CFAP58: variants seen among roughly 807,000 people sequenced by gnomAD.
CFAP58 encodes the protein cilia and flagella associated protein 58.
CFAP58 carries 88 observed loss-of-function variants against 119.5 expected under a neutral mutation model. That is an observed-to-expected ratio of 0.74 (90% CI 0.62 to 0.88). The LOEUF (loss-of-function observed/expected upper bound fraction) is 0.88, where lower values mean the gene tolerates loss of function less well. CFAP58 is among the 40% of genes least tolerant of loss of function. The pLI, the probability that CFAP58 is intolerant of heterozygous loss-of-function variation, is 0.00. For synonymous variants in CFAP58, 365 were observed against 366.3 expected (o/e 1.00, Z 0.04); for missense variants, 990 against 1,021.2 (o/e 0.97, Z 0.42).
At chr10:104,421,166 T>A (rs1192293941) in intron 15 of CFAP58, among the ~76,000 whole-genome samples, 1 of 152,138 alleles carries the variant, frequency 6.6e-6, no homozygotes, top group Admixed American at 6.5e-5. Flanking sequence ...AAAGGGGTGA[T>A]GTATATTAAG....
At chr10:104,358,269 T>C (rs2014620910) in intron 1 of CFAP58, 72 bp from the exon 2 acceptor site, 5 of 1,458,024 alleles carry the variant, frequency 3.4e-6, no homozygotes, top group Middle Eastern at 1.8e-4. Flanking sequence ...TCAGAGGTAA[T>C]AGCAGTAATT....
chr10:104,339,706 G>C, the CFAP58 span, among the ~76,000 whole-genome samples: 4 of 152,172 alleles, frequency 2.6e-5, no homozygotes, highest in Non-Finnish European at 5.9e-5. Flanking sequence ...CCTTGGCCCA[G>C]GGTACTTTTG....
chr10:104,356,797 C>T (rs1457353452), intron 1 of CFAP58, among the ~76,000 whole-genome samples: 1 of 152,112 alleles, frequency 6.6e-6, no homozygotes, highest in Non-Finnish European at 1.5e-5. Flanking sequence ...CATATCCCAC[C>T]AGCAATTAAG....
chr10:104,340,595 A>T, the CFAP58 span, among the ~76,000 whole-genome samples: 3,135 of 152,258 alleles, frequency 0.021, 115 homozygotes, highest in African/African-American at 0.07. Context: ...GATTCAAGTT[A>T]TGGGAACTTG....
At chr10:104,427,205 G>A (rs1179504907) in intron 15 of CFAP58, among the ~76,000 whole-genome samples, 1 of 152,144 alleles carries the variant, frequency 6.6e-6, no homozygotes, top group Non-Finnish European at 1.5e-5. Flanking sequence ...ACTTGGCTGG[G>A]TTATTAATAG....
At chr10:104,382,558 T>C (rs1168801746) in intron 9 of CFAP58, among the ~76,000 whole-genome samples, 1 of 152,198 alleles carries the variant, frequency 6.6e-6, no homozygotes, top group Non-Finnish European at 1.5e-5. Flanking sequence ...AAAAATTACA[T>C]GTTGATACGG....
At chr10:104,380,559 C>T (rs1029238616) in intron 9 of CFAP58, among the ~76,000 whole-genome samples, 4 of 152,068 alleles carry the variant, frequency 2.6e-5, no homozygotes, top group Non-Finnish European at 4.4e-5. Flanking sequence ...CTCCAGTCTC[C>T]GCACCCACCC....
At chr10:104,364,169 T>C (rs2014708853) in intron 3 of CFAP58, among the ~76,000 whole-genome samples, 1 of 152,222 alleles carries the variant, frequency 6.6e-6, no homozygotes, top group South Asian at 2.1e-4. Flanking sequence ...ATGCATATTA[T>C]TTTGTTCTGT....
At chr10:104,346,346 A>G in the CFAP58 span, among the ~76,000 whole-genome samples, 1 of 151,662 alleles carries the variant, frequency 6.6e-6, no homozygotes, top group Non-Finnish European at 1.5e-5. Context: ...TCACTTATTT[A>G]CTTTTGTTTG....
chr10:104,361,476 C>A (rs987095135), intron 2 of CFAP58, among the ~76,000 whole-genome samples: 1 of 152,176 alleles, frequency 6.6e-6, no homozygotes, highest in East Asian at 1.9e-4. Context: ...ATTTACAAAT[C>A]TTTCGAGAGG....
intron 15 of CFAP58, among the ~76,000 whole-genome samples, chr10:104,437,848 A>C (rs796218704): frequency 2.6e-5 from 4 of 152,312 alleles, no homozygotes; most frequent in African/African-American, 9.6e-5. Flanking sequence ...CCATAAAAGA[A>C]ATATGTATAA....
chr10:104,357,982 T>C (rs966178074), intron 1 of CFAP58, among the ~76,000 whole-genome samples: 8 of 145,906 alleles, frequency 5.5e-5, no homozygotes, highest in Admixed American at 2.7e-4. Flanking sequence ...TATGTACATA[T>C]GTACACATAT....
At chr10:104,438,350 TTTTTTTTTTTGTTTTTTTTTTTTG>T (rs2012972631) in intron 15 of CFAP58, among the ~76,000 whole-genome samples, 1 of 38,746 alleles carries the variant, frequency 2.6e-5, no homozygotes, top group African/African-American at 1.3e-4. Flanking sequence ...TGTTTTTTGT[TTTTTTTTTTTGTTTTTTTTTTTTG>T]TTTTTTTTTT....
At chr10:104,435,526 C>T (rs755399103) in intron 15 of CFAP58, among the ~76,000 whole-genome samples, 1 of 152,146 alleles carries the variant, frequency 6.6e-6, no homozygotes, top group Non-Finnish European at 1.5e-5. Context: ...CAGACTGCAA[C>T]CCTTGTCCTT....
rs2012539189 is a variant in CFAP58 at position 104,415,630 on chromosome 10, T to C, written c.2256+8837T>C. ...CAAAATCATGAAATTTAGGATGGGC[T>C]GTGAGGAGGAGGCTCAGGGCACCAA... On this transcript the variant is annotated intron_variant, in intron 15 of 17. Coordinates refer to ENST00000369704, the MANE Select transcript of CFAP58 (RefSeq NM_001008723.2). Among the ~76,000 whole-genome samples the C allele has an allele frequency of 2.6e-5, 4 of 152,104 alleles. No homozygotes were observed. In the South Asian group the frequency reaches 8.3e-4, roughly 32 times the overall value.
At chr10:104,388,493 A>G (rs1174719567) in intron 9 of CFAP58, among the ~76,000 whole-genome samples, 1 of 152,222 alleles carries the variant, frequency 6.6e-6, no homozygotes, top group Non-Finnish European at 1.5e-5. Flanking sequence ...GGGTAAAATA[A>G]CAAGGCAAGA....
chr10:104,391,595 G>A (rs560990419), intron 9 of CFAP58, among the ~76,000 whole-genome samples: 2 of 152,266 alleles, frequency 1.3e-5, no homozygotes, highest in East Asian at 3.9e-4. Flanking sequence ...CTTGTTGAGA[G>A]GTATTGACTC....
intron 12 of CFAP58, 132 bp from the exon 13 acceptor site, chr10:104,400,548 C>A (rs1196648807): frequency 1.7e-5 from 12 of 715,174 alleles, no homozygotes; most frequent in Non-Finnish European, 2.9e-5. Flanking sequence ...CCAGCTCTTT[C>A]CAGTGCCCAG....
At chr10:104,425,486 C>G (rs1344337269) in intron 15 of CFAP58, among the ~76,000 whole-genome samples, 1 of 152,202 alleles carries the variant, frequency 6.6e-6, no homozygotes, top group Non-Finnish European at 1.5e-5. Context: ...GTGACAATGA[C>G]CGTAACTCCC....
Sources: gnomAD v4.1 joint callset for allele counts (sites outside exome capture counted in the v4.1 genomes callset) on GRCh38, gnomAD v4.1.1 for gene constraint, MANE v1.5 for transcripts, NCBI Gene and HGNC (gene_info 2026-07-23, HGNC 2026-07-21) for gene names.